KCNH1: variants seen among roughly 807,000 people sequenced by gnomAD.
The protein encoded by KCNH1 is voltage-gated delayed rectifier potassium channel KCNH1.
KCNH1 carries 27 observed loss-of-function variants against 69.2 expected under a neutral mutation model. The observed-to-expected ratio is 0.39, with a 90% CI of 0.29 to 0.54. KCNH1 has a LOEUF of 0.54. Ranked by LOEUF, KCNH1 falls within the 20% of genes least tolerant of loss-of-function variation. The pLI is 0.68. For missense variants in KCNH1, 798 were observed against 1,261.6 expected (o/e 0.63, Z 5.57); for synonymous variants, 456 against 487.7 (o/e 0.93, Z 0.86).
intron 10 of KCNH1, among the ~76,000 whole-genome samples, chr1:210,701,810 T>A (rs1028525641): frequency 6.6e-6 from 1 of 152,112 alleles, no homozygotes; most frequent in Non-Finnish European, 1.5e-5. Flanking sequence ...TGCCCAAATA[T>A]CATCTGGCTG....
At chr1:211,057,688 A>G (rs1305826913) in intron 5 of KCNH1, among the ~76,000 whole-genome samples, 3 of 151,940 alleles carry the variant, frequency 2.0e-5, no homozygotes, top group Non-Finnish European at 4.4e-5. Context: ...GAAGACAGAG[A>G]GAGAGAGAAA....
At chr1:210,767,065 A>G (rs1313645811) in intron 10 of KCNH1, among the ~76,000 whole-genome samples, 1 of 152,260 alleles carries the variant, frequency 6.6e-6, no homozygotes, top group Non-Finnish European at 1.5e-5. Context: ...GCACATTTTT[A>G]AGAGTAGAAG....
At chr1:210,966,600 C>A (rs1222981167) in intron 6 of KCNH1, among the ~76,000 whole-genome samples, 2 of 152,118 alleles carry the variant, frequency 1.3e-5, no homozygotes, top group Admixed American at 6.5e-5. Flanking sequence ...TTTATGCAGC[C>A]AACAGACACA....
At chr1:210,704,313 A>G (rs1681852498) in intron 10 of KCNH1, among the ~76,000 whole-genome samples, 3 of 152,192 alleles carry the variant, frequency 2.0e-5, no homozygotes, top group East Asian at 1.9e-4. Context: ...TCTAATAACA[A>G]TCGCCACGCC....
intron 7 of KCNH1, among the ~76,000 whole-genome samples, chr1:210,863,691 A>T (rs553839900): frequency 1.0e-3 from 153 of 152,314 alleles, no homozygotes; most frequent in South Asian, 2.5e-3. Context: ...CTTATTAGGA[A>T]ATCGGGGAAA....
At chr1:210,990,484 C>T (rs986877157) in intron 6 of KCNH1, among the ~76,000 whole-genome samples, 7 of 152,118 alleles carry the variant, frequency 4.6e-5, no homozygotes, top group Non-Finnish European at 7.4e-5. Context: ...ATGATAATCT[C>T]GACAAGCTAC....
intron 7 of KCNH1, chr1:210,860,837 A>T (rs969129501): frequency 1.1e-6 from 1 of 909,860 alleles, no homozygotes; most frequent in Non-Finnish European, 1.8e-6. Flanking sequence ...TCACAAAAAT[A>T]GTGAAGTACT....
intron 10 of KCNH1, among the ~76,000 whole-genome samples, chr1:210,719,495 T>C (rs1356958425): frequency 1.3e-5 from 2 of 152,004 alleles, no homozygotes; most frequent in African/African-American, 4.8e-5. Flanking sequence ...AGTTGAACAA[T>C]GAGAACGTAT....
intron 6 of KCNH1, among the ~76,000 whole-genome samples, chr1:210,995,686 G>C (rs535268591): frequency 6.6e-6 from 1 of 152,324 alleles, no homozygotes; most frequent in South Asian, 2.1e-4. Flanking sequence ...TTCAGACTAA[G>C]TGAGATATGT....
At chr1:211,113,933 A>G (rs1165636685) in intron 1 of KCNH1, among the ~76,000 whole-genome samples, 1 of 149,586 alleles carries the variant, frequency 6.7e-6, no homozygotes, top group East Asian at 2.0e-4. Context: ...ACATTAGATC[A>G]AGTCTCTCTC....
intron 5 of KCNH1, among the ~76,000 whole-genome samples, chr1:211,029,926 T>C (rs771448019): frequency 2.0e-5 from 3 of 152,226 alleles, no homozygotes; most frequent in Admixed American, 6.5e-5. Context: ...ATACCATTTA[T>C]AATCATTCCA....
intron 10 of KCNH1, among the ~76,000 whole-genome samples, chr1:210,768,781 T>C (rs1179815920): frequency 6.6e-6 from 1 of 152,134 alleles, no homozygotes; most frequent in Non-Finnish European, 1.5e-5. Flanking sequence ...AATTCATACA[T>C]AATGAAGCAT....
At chr1:210,879,335 A>G (rs1461541012) in intron 7 of KCNH1, among the ~76,000 whole-genome samples, 1 of 152,082 alleles carries the variant, frequency 6.6e-6, no homozygotes, top group Non-Finnish European at 1.5e-5. Context: ...TATATCTCTC[A>G]TGAATAGAGA....
intron 7 of KCNH1, among the ~76,000 whole-genome samples, chr1:210,899,967 A>G (rs947923083): frequency 6.6e-6 from 1 of 152,240 alleles, no homozygotes; most frequent in Non-Finnish European, 1.5e-5. Flanking sequence ...GATAATAGAT[A>G]ATAGAAAAGA....
chr1:210,762,390 A>C (rs1468426959), intron 10 of KCNH1, among the ~76,000 whole-genome samples: 2 of 152,166 alleles, frequency 1.3e-5, no homozygotes, highest in African/African-American at 4.8e-5. Context: ...GGGCAGAACT[A>C]AATGAAACTG....
At chr1:210,970,114 T>G (rs1456829012) in intron 6 of KCNH1, among the ~76,000 whole-genome samples, 1 of 151,968 alleles carries the variant, frequency 6.6e-6, no homozygotes, top group African/African-American at 2.4e-5. Context: ...TTTTTTTTTA[T>G]TTTCCTAAGT....
chr1:210,686,836 G>A (rs536626065), intron 10 of KCNH1, among the ~76,000 whole-genome samples: 2 of 152,242 alleles, frequency 1.3e-5, no homozygotes, highest in African/African-American at 2.4e-5. Context: ...AGGTCACACT[G>A]TATTTTTTAC....
At chr1:210,985,898 T>A (rs1260085826) in intron 6 of KCNH1, among the ~76,000 whole-genome samples, 1 of 152,152 alleles carries the variant, frequency 6.6e-6, no homozygotes, top group East Asian at 1.9e-4. Context: ...AAGTCTCCCA[T>A]TATTATTGTG....
At chr1:210,770,006 C>T (rs538154187) in intron 10 of KCNH1, among the ~76,000 whole-genome samples, 2 of 152,056 alleles carry the variant, frequency 1.3e-5, no homozygotes, top group Non-Finnish European at 2.9e-5. Context: ...CTCAATAAAC[C>T]CAATTAGGGC....
Sources: gnomAD v4.1 joint callset for allele counts (sites outside exome capture counted in the v4.1 genomes callset) on GRCh38, gnomAD v4.1.1 for gene constraint, MANE v1.5 for transcripts, NCBI Gene and HGNC (gene_info 2026-07-23, HGNC 2026-07-21) for gene names.